UGT1A10: variants seen among roughly 807,000 people sequenced by gnomAD.
The protein encoded by UGT1A10 is UDP glucuronosyltransferase family 1 member A10, also known as UDP-glucuronosyltransferase 1A10.
UGT1A10 carries 49 observed loss-of-function variants against 45.8 expected under a neutral mutation model. The ratio of observed to expected loss-of-function variants is 1.07; its 90% CI spans 0.85 to 1.36. UGT1A10 has a LOEUF of 1.36. UGT1A10 is among the 40% of genes most tolerant of loss of function. The probability of loss-of-function intolerance (pLI) is 0.00; values close to 1 mark genes in which losing one functional copy is unlikely to be tolerated. For missense variants in UGT1A10, 745 were observed against 668.6 expected (o/e 1.11, Z -1.26); for synonymous variants, 284 against 249.7 (o/e 1.14, Z -1.29).
At chr2:233,711,284 C>T (rs1473595982) in intron 1 of UGT1A10, among the ~76,000 whole-genome samples, 4 of 152,164 alleles carry the variant, frequency 2.6e-5, no homozygotes, top group Admixed American at 6.5e-5. Flanking sequence ...GAGTCCTAGA[C>T]GTGGGAGTAG....
At chr2:233,651,666 G>T (rs1252227973) in intron 1 of UGT1A10, among the ~76,000 whole-genome samples, 1 of 152,174 alleles carries the variant, frequency 6.6e-6, no homozygotes, top group Non-Finnish European at 1.5e-5. Flanking sequence ...TTATTTAGAA[G>T]GGCAGGCTGT....
intron 1 of UGT1A10, chr2:233,718,695 C>T (rs2076675906): frequency 6.3e-7 from 1 of 1,592,520 alleles, no homozygotes; most frequent in South Asian, 1.1e-5. Flanking sequence ...TGGAGGAGGG[C>T]ACTTTGTCTT....
chr2:233,752,243 C>G (rs777804991), intron 1 of UGT1A10: 1 of 152,156 alleles, frequency 6.6e-6, no homozygotes, highest in Non-Finnish European at 1.5e-5. Context: ...TTTTTGGACC[C>G]TACTGTGATG....
chr2:233,719,799 G>C, intron 1 of UGT1A10: 11 of 1,603,246 alleles, frequency 6.9e-6, no homozygotes, highest in Non-Finnish European at 8.5e-6. Context: ...ATTTTATTTT[G>C]GCTTCTTTAT....
At chr2:233,669,517 T>G (rs1187471900) in intron 1 of UGT1A10, among the ~76,000 whole-genome samples, 1 of 152,238 alleles carries the variant, frequency 6.6e-6, no homozygotes, top group Admixed American at 6.5e-5. Context: ...ACATCTTTTG[T>G]CAGATTTATC....
chr2:233,721,483 T>C (rs977271860), intron 1 of UGT1A10: 7 of 174,698 alleles, frequency 4.0e-5, no homozygotes, highest in African/African-American at 1.7e-4. Context: ...ATCATTCTTA[T>C]TATTTTAGTT....
intron 1 of UGT1A10, among the ~76,000 whole-genome samples, chr2:233,766,276 C>T (rs1021162182): frequency 2.0e-5 from 3 of 151,848 alleles, no homozygotes; most frequent in Non-Finnish European, 2.9e-5. Flanking sequence ...GGCTCGGTGG[C>T]CCGGGCTCGG....
At chr2:233,660,773 A>G (rs1269611092) in intron 1 of UGT1A10, among the ~76,000 whole-genome samples, 5 of 152,186 alleles carry the variant, frequency 3.3e-5, no homozygotes, top group African/African-American at 9.6e-5. Flanking sequence ...GCACTTTTGC[A>G]TGAATTAAAA....
chr2:233,728,807 A>T (rs2077752310), intron 1 of UGT1A10, among the ~76,000 whole-genome samples: 1 of 152,228 alleles, frequency 6.6e-6, no homozygotes, highest in Non-Finnish European at 1.5e-5. Flanking sequence ...AGTAGGAGAC[A>T]GTGACATGAA....
rs1342225169 is a variant in UGT1A10 at position 233,637,019 on chromosome 2, T to C, written c.497T>C (p.Val166Ala). The change falls in exon 1 of 5, where the codon GTG becomes GCG. Residue 166 changes from valine to alanine, a missense_variant. Val to Ala is a moderately conservative substitution (Grantham distance 64, BLOSUM62 0). Coordinates refer to ENST00000344644, the MANE Select transcript of UGT1A10 (RefSeq NM_019075.4). Reference protein sequence around the residue: ...IVAKYFSLPSVVFTRGIFCHH... With the variant: ...IVAKYFSLPSAVFTRGIFCHH... ...GCTAAATATTTCTCCCTCCCCTCTG[T>C]GGTCTTCACCAGGGGAATATTTTGC... is the stretch of plus-strand genomic sequence containing the variant. The C allele has an allele frequency of 6.2e-7, 1 of 1,614,100 alleles. No homozygotes were observed. Among genetic ancestry groups the C allele is most frequent in the South Asian group, 1.1e-5 (1 of 91,068 alleles).
chr2:233,673,124 T>C (rs975545571), intron 1 of UGT1A10, among the ~76,000 whole-genome samples: 10 of 152,216 alleles, frequency 6.6e-5, no homozygotes, highest in Non-Finnish European at 1.5e-4. Flanking sequence ...GAAATGGTCT[T>C]AGTTTTGTGA....
At chr2:233,652,317 T>C (rs2125477648) in intron 1 of UGT1A10, among the ~76,000 whole-genome samples, 1 of 152,380 alleles carries the variant, frequency 6.6e-6, no homozygotes, top group Admixed American at 6.5e-5. Flanking sequence ...GACTACAGTG[T>C]AATGAGCACC....
At chr2:233,713,262 C>G in intron 1 of UGT1A10, 1 of 1,614,080 alleles carries the variant, frequency 6.2e-7, no homozygotes, top group Non-Finnish European at 8.5e-7. Context: ...CGAATTTGAT[C>G]GCCTTTTGCT....
intron 1 of UGT1A10, chr2:233,748,207 C>G (rs1467291155): frequency 6.6e-7 from 1 of 1,505,266 alleles, no homozygotes; most frequent in African/African-American, 1.4e-5. Context: ...TCGTAATAGC[C>G]TTCAGTGAGA....
rs1464458108 is a variant in UGT1A10 at position 233,655,172 on chromosome 2, T to C, written c.855+17795T>C. On this transcript the variant is annotated intron_variant, in intron 1 of 4. Coordinates refer to ENST00000344644, the MANE Select transcript of UGT1A10 (RefSeq NM_019075.4). Reference sequence around the variant, plus strand: ...AAAGTGAACAGAATACTTTCTGTTTTGTTAATGTGCTAATTACATGGTCAC... The same window carrying C: ...AAAGTGAACAGAATACTTTCTGTTTCGTTAATGTGCTAATTACATGGTCAC... Among the ~76,000 whole-genome samples, 4 of 152,172 alleles carry C rather than the reference T, an allele frequency of 2.6e-5. No homozygotes were observed. In the East Asian group the frequency reaches 5.8e-4, roughly 22 times the overall value.
At chr2:233,643,671 C>T (rs1397721911) in intron 1 of UGT1A10, among the ~76,000 whole-genome samples, 1 of 152,176 alleles carries the variant, frequency 6.6e-6, no homozygotes. Context: ...TCACCTAGAG[C>T]CAGTAAGTCT....
chr2:233,648,682 T>G, intron 1 of UGT1A10: 1 of 350,720 alleles, frequency 2.9e-6, no homozygotes, highest in Non-Finnish European at 5.5e-6. Context: ...GCCAGGATGG[T>G]CTCGATCTCC....
At chr2:233,672,498 C>T in intron 1 of UGT1A10, 2 of 1,613,914 alleles carry the variant, frequency 1.2e-6, no homozygotes, top group South Asian at 1.1e-5. Flanking sequence ...CTCCTCTTTC[C>T]TATGTCCCCA....
Position 233,636,804 on chromosome 2 carries a change from C to T in UGT1A10, c.282C>T (p.Ala94=). The change falls in exon 1 of 5, where the codon GCC becomes GCT. Residue 94 remains alanine, a synonymous_variant. Coordinates refer to ENST00000344644, the MANE Select transcript of UGT1A10 (RefSeq NM_019075.4). ...EDQNREFMVF[A]HAQWKAQAQS... is the part of the protein sequence containing the mutation. ...AGAACCGGGAATTCATGGTTTTCGC[C>T]CATGCTCAATGGAAAGCACAGGCAC... is the stretch of plus-strand genomic sequence containing the variant. The T allele has an allele frequency of 6.2e-7, 1 of 1,614,148 alleles. No homozygotes were observed.
Sources: allele counts gnomAD v4.1 joint callset (sites outside exome capture counted in the v4.1 genomes callset), GRCh38; gene constraint gnomAD v4.1.1; transcripts MANE v1.5; gene names NCBI Gene and HGNC (gene_info 2026-07-23, HGNC 2026-07-21).